The following SAMHD1 variants were observed in gnomAD, a reference collection of about 807,000 sequenced individuals.
SAMHD1 encodes the protein deoxynucleoside triphosphate triphosphohydrolase SAMHD1.
Under a neutral mutation model 79.6 loss-of-function variants are expected in SAMHD1, and 54 were observed. The observed-to-expected ratio is 0.68, with a 90% CI of 0.55 to 0.85. The LOEUF is 0.85. Among genes scored for constraint, SAMHD1 ranks in the 40% least tolerant of loss-of-function variants. The pLI is 0.00. For missense variants in SAMHD1, 663 were observed against 782.7 expected (o/e 0.85, Z 1.82); for synonymous variants, 260 against 264.1 (o/e 0.98, Z 0.15).
chr20:36,927,903 T>G (rs1043921132), intron 5 of SAMHD1, among the ~76,000 whole-genome samples: 2 of 152,176 alleles, frequency 1.3e-5, no homozygotes, highest in Non-Finnish European at 2.9e-5. Flanking sequence ...CATTATGCAC[T>G]GCAGCCTTGG....
chr20:36,933,108 T>G (rs377209055), intron 4 of SAMHD1, among the ~76,000 whole-genome samples: 36 of 152,202 alleles, frequency 2.4e-4, no homozygotes, highest in East Asian at 1.2e-3. Flanking sequence ...TAAGGTTCGA[T>G]AAATATTTGT....
chr20:36,927,989 G>A (rs189479277), intron 5 of SAMHD1, among the ~76,000 whole-genome samples: 2 of 152,286 alleles, frequency 1.3e-5, no homozygotes, highest in African/African-American at 4.8e-5. Context: ...ACCACACAGG[G>A]CTTGATAAAT....
intron 5 of SAMHD1, among the ~76,000 whole-genome samples, chr20:36,928,345 C>T (rs73286546): frequency 0.069 from 10,388 of 151,106 alleles, 1,166 homozygotes; most frequent in African/African-American, 0.24. Flanking sequence ...GCCAAGATCA[C>T]ACCACTACAC....
At chr20:36,912,885 C>CTTTTTTTT (rs1374227156) in intron 9 of SAMHD1, among the ~76,000 whole-genome samples, 2 of 8,144 alleles carry the variant, frequency 2.5e-4, no homozygotes, top group African/African-American at 4.2e-4. Context: ...AACTTTCATT[C>CTTTTTTTT]TTTGTTTTTT....
chr20:36,917,392 G>A (rs564110318), intron 7 of SAMHD1, among the ~76,000 whole-genome samples: 38 of 152,242 alleles, frequency 2.5e-4, no homozygotes, highest in African/African-American at 8.4e-4. Flanking sequence ...GGTGGCTCAC[G>A]CCTGTAATCT....
chr20:36,931,433 C>T (rs934473689), intron 4 of SAMHD1, among the ~76,000 whole-genome samples: 1 of 151,994 alleles, frequency 6.6e-6, no homozygotes, highest in Non-Finnish European at 1.5e-5. Flanking sequence ...GTCAGGGGTT[C>T]GAGACCAGCC....
chr20:36,928,987 G>A (rs1052339840), intron 5 of SAMHD1, among the ~76,000 whole-genome samples: 2 of 151,610 alleles, frequency 1.3e-5, no homozygotes, highest in African/African-American at 4.9e-5. Context: ...AACCTGGGAG[G>A]TGGAGGTTGT....
In SAMHD1 at chr20:36,898,464, T is replaced by C; in HGVS notation, c.1584A>G (p.Arg528=). ...VSFYCKTAPN[R]AIRITKNQVS... is the part of the protein sequence containing the mutation. ...CCTGGTTTTTAGTAATCCTGATTGCTCTGTTGGGGGCAGTCTTACAATAGA... is the reference window on the plus strand; with the variant it reads ...CCTGGTTTTTAGTAATCCTGATTGCCCTGTTGGGGGCAGTCTTACAATAGA... The change falls in exon 14 of 16, where the codon AGA becomes AGG. Residue 528 remains arginine (R), a synonymous_variant. Coordinates refer to ENST00000646673, the MANE Select transcript of SAMHD1 (RefSeq NM_015474.4). 1.2e-6 allele frequency: 2 copies of C among 1,613,834 alleles called. No individual in the cohort carries two copies. Among genetic ancestry groups the C allele is most frequent in the South Asian group, 1.1e-5 (1 of 91,080 alleles).
chr20:36,903,885 A>G (rs1346554473), intron 13 of SAMHD1: 5 of 314,346 alleles, frequency 1.6e-5, no homozygotes, highest in African/African-American at 8.7e-5. Flanking sequence ...TATGCAGGCA[A>G]TAAAAAAAAT....
intron 6 of SAMHD1, among the ~76,000 whole-genome samples, chr20:36,923,992 G>A (rs901718776): frequency 6.6e-6 from 1 of 152,126 alleles, no homozygotes; most frequent in African/African-American, 2.4e-5. Flanking sequence ...GCTTAGGCCT[G>A]TAATCTCAGC....
At chr20:36,948,892 AAAGAAAAGAAAAG>A (rs139759701) in intron 1 of SAMHD1, among the ~76,000 whole-genome samples, 115,528 of 143,632 alleles carry the variant, frequency 0.8, 46,854 homozygotes, top group East Asian at 0.97. Context: ...GAAAAGAAAA[AAAGAAAAGAAAAG>A]AAGAAAGACT....
chr20:36,920,239 C>A (rs1013614347), intron 6 of SAMHD1, among the ~76,000 whole-genome samples: 1 of 152,058 alleles, frequency 6.6e-6, no homozygotes, highest in Non-Finnish European at 1.5e-5. Context: ...TTCAGCCTCC[C>A]GAGTAGCTGA....
intron 4 of SAMHD1, among the ~76,000 whole-genome samples, chr20:36,932,579 G>A (rs1021289385): frequency 1.2e-4 from 18 of 149,766 alleles, no homozygotes; most frequent in Admixed American, 1.1e-3. Flanking sequence ...CACCATGCCC[G>A]GCTGGTTTTG....
intron 3 of SAMHD1, among the ~76,000 whole-genome samples, chr20:36,938,489 G>A (rs1458914990): frequency 3.9e-5 from 6 of 151,938 alleles, no homozygotes; most frequent in African/African-American, 1.2e-4. Flanking sequence ...GCAGTGAGCT[G>A]AGATCACGCC....
intron 6 of SAMHD1, among the ~76,000 whole-genome samples, chr20:36,925,258 G>A (rs1161640053): frequency 1.3e-5 from 2 of 152,078 alleles, no homozygotes; most frequent in Non-Finnish European, 2.9e-5. Context: ...AATGCTTAAA[G>A]GAATAGATTT....
Position 36,924,297 on chromosome 20 carries a change from G to A in SAMHD1, c.696+2885C>T, listed in dbSNP as rs1026522524. Among the ~76,000 whole-genome samples the A allele has an allele frequency of 4.0e-5, 6 of 149,232 alleles. No homozygotes were observed. The Admixed American group carries it at 4.0e-4, about 10-fold the overall frequency. ...GGGAAGGGGGAAGGGGAAAGAAAAG[G>A]AAGGGAAAGAAGGGAAGGAAGGGAA... On this transcript the variant is annotated intron_variant, in intron 6 of 15. Coordinates refer to ENST00000646673, the MANE Select transcript of SAMHD1 (RefSeq NM_015474.4).
At chr20:36,948,732 T>C (rs1419290729) in intron 1 of SAMHD1, among the ~76,000 whole-genome samples, 3 of 100,730 alleles carry the variant, frequency 3.0e-5, no homozygotes, top group African/African-American at 1.0e-4. Context: ...CCAGGTGTGG[T>C]GGTGGGCACC....
chr20:36,943,205 G>A (rs1166251021), intron 2 of SAMHD1, among the ~76,000 whole-genome samples: 1 of 152,172 alleles, frequency 6.6e-6, no homozygotes, highest in Non-Finnish European at 1.5e-5. Context: ...ACTACTGTGA[G>A]CAACTGGATG....
chr20:36,950,078 A>C (rs2063723538), intron 1 of SAMHD1, among the ~76,000 whole-genome samples: 2 of 151,868 alleles, frequency 1.3e-5, no homozygotes, highest in Admixed American at 6.6e-5. Flanking sequence ...AGACATGAGC[A>C]ATTGGGAACA....
Sources: allele counts gnomAD v4.1 joint callset (sites outside exome capture counted in the v4.1 genomes callset), GRCh38; gene constraint gnomAD v4.1.1; transcripts MANE v1.5; gene names NCBI Gene and HGNC (gene_info 2026-07-23, HGNC 2026-07-21).